ACACA: variants seen among roughly 807,000 people sequenced by gnomAD.
ACACA encodes the protein acetyl-CoA carboxylase 1.
A neutral mutation model predicts 296.1 loss-of-function variants in ACACA; 103 were observed. That is an observed-to-expected ratio of 0.35 (90% CI 0.30 to 0.41). ACACA has a LOEUF of 0.41. ACACA is among the 10% of genes least tolerant of loss of function. The pLI, the probability that ACACA is intolerant of heterozygous loss-of-function variation, is 1.00. For synonymous variants in ACACA, 953 were observed against 1,038.6 expected, an observed-to-expected ratio of 0.92 and a Z score of 1.58; for missense variants, 1,554 against 2,989.7, an observed-to-expected ratio of 0.52 and a Z score of 11.20.
chr17:37,192,422 G>T, intron 36 of ACACA, 117 bp from the exon 37 acceptor site: 1 of 979,946 alleles, frequency 1.0e-6, no homozygotes. Context: ...ATGTGCTAAT[G>T]AGCAACAAAA....
intron 38 of ACACA, among the ~76,000 whole-genome samples, chr17:37,189,232 T>C (rs1482223410): frequency 1.3e-5 from 2 of 152,192 alleles, no homozygotes; most frequent in Admixed American, 6.5e-5. Context: ...AAACTTTTTT[T>C]CCCCAACATG....
intron 3 of ACACA, among the ~76,000 whole-genome samples, chr17:37,326,536 GAA>G (rs879691516): frequency 7.8e-6 from 1 of 128,266 alleles, no homozygotes; most frequent in Non-Finnish European, 1.7e-5. Flanking sequence ...CGTCTCAAAA[GAA>G]AAAAAAAAAA....
chr17:37,224,849 AAAGTC>A, intron 27 of ACACA, 138 bp downstream of exon 27: 1 of 406,574 alleles, frequency 2.5e-6, no homozygotes, highest in East Asian at 4.3e-5. Context: ...ATCATTTTAG[AAAGTC>A]AAGATATGAA....
chr17:37,244,747 A>G lies in ACACA; in HGVS notation c.2596-13T>C. 6.2e-7 allele frequency: 1 copy of G among 1,614,160 alleles called. No individual in the cohort carries two copies. Among genetic ancestry groups the G allele is most frequent in the Non-Finnish European group, 8.5e-7 (1 of 1,180,000 alleles). On this transcript the variant is annotated splice_polypyrimidine_tract_variant and intron_variant, in intron 20 of 55. Coordinates refer to ENST00000616317, the MANE Select transcript of ACACA (RefSeq NM_198834.3). ...TGTGAAGTTCAGCCTGTCAACCCCA[A>G]CAAGAGATCAAGTCATCTACTACTT...
chr17:37,115,722 G>GC, intron 50 of ACACA, among the ~76,000 whole-genome samples: 1 of 152,254 alleles, frequency 6.6e-6, no homozygotes, highest in South Asian at 2.1e-4. Flanking sequence ...TTCAAATGAA[G>GC]ATGAGTGTGT....
chr17:37,244,804 T>TA (rs1295825692), intron 20 of ACACA, 70 bp from the exon 21 acceptor site: 3 of 1,593,542 alleles, frequency 1.9e-6, no homozygotes, highest in Non-Finnish European at 2.6e-6. Flanking sequence ...CCACTGCACT[T>TA]AAGAGTTATC....
chr17:37,242,645 C>G (rs1419349964), intron 22 of ACACA, among the ~76,000 whole-genome samples: 3 of 152,104 alleles, frequency 2.0e-5, no homozygotes, highest in African/African-American at 7.2e-5. Context: ...GTGGGATGAG[C>G]CATTGGGCCT....
intron 1 of ACACA, among the ~76,000 whole-genome samples, chr17:37,358,090 C>G (rs2049226776): frequency 6.6e-6 from 1 of 151,762 alleles, no homozygotes; most frequent in Non-Finnish European, 1.5e-5. Flanking sequence ...TTTTTTTATT[C>G]CAGTCTTAAA....
rs1419961791 is a variant in ACACA at position 37,274,202 on chromosome 17, A to G, written c.999T>C (p.Asp333=). 23 of 1,613,374 alleles carry G rather than the reference A, an allele frequency of 1.4e-5. No homozygotes were observed. Among genetic ancestry groups the G allele is most frequent in the Non-Finnish European group, 2.0e-5 (23 of 1,179,246 alleles). ...YEKGYVKDVD[D]GLQAAEEVGY... ...GGAGTTAGTAACCTACCTGTAGCCC[A>G]TCATCCACATCTTTCACATAACCTT... Residue 333 remains aspartate (D), a synonymous_variant, in exon 9 of 56, where the codon GAT becomes GAC. Transcript: ENST00000616317.
At chr17:37,259,573 C>G (rs751399038) in intron 11 of ACACA, 43 bp from the exon 12 acceptor site, 66 of 1,609,532 alleles carry the variant, frequency 4.1e-5, no homozygotes, top group Middle Eastern at 3.3e-4. Flanking sequence ...CTCACCTTAT[C>G]CAACTGCTAG....
chr17:37,122,774 T>C (rs960334662), intron 48 of ACACA, 147 bp from the exon 49 acceptor site: 2 of 733,874 alleles, frequency 2.7e-6, no homozygotes, highest in African/African-American at 3.5e-5. Flanking sequence ...ATGAGTTAAA[T>C]GTGAGACTCT....
At chr17:37,225,540 A>G in intron 26 of ACACA, 1 of 192,906 alleles carries the variant, frequency 5.2e-6, no homozygotes, top group Non-Finnish European at 1.1e-5. Context: ...GACTAGGGAA[A>G]GCTGCTTTGA....
chr17:37,284,667 G>A (rs1021528280), intron 4 of ACACA, among the ~76,000 whole-genome samples, 171 bp downstream of exon 4: 3 of 152,182 alleles, frequency 2.0e-5, no homozygotes, highest in Admixed American at 2.0e-4. Context: ...TAGGAAAACA[G>A]TGAAATTATA....
intron 1 of ACACA, among the ~76,000 whole-genome samples, chr17:37,342,406 CAAAAAAAAAAAAAAAAAAA>C (rs1173872959): frequency 1.9e-4 from 4 of 21,110 alleles, no homozygotes; most frequent in Non-Finnish European, 2.5e-4. Flanking sequence ...GACTGTCTCT[CAAAAAAAAAAAAAAAAAAA>C]AAAAAAAAAA....
At position 37,258,327 on chromosome 17, in the gene ACACA, A is replaced by G; in HGVS notation, c.1547T>C (p.Met516Thr). ...ATCACCCCAGGGAGATACCCCATAC[A>G]TCATACGGATATCCTTGATTCTATA... is the stretch of plus-strand genomic sequence containing the variant. ...PLYRIKDIRM[M>T]YGVSPWGDSP... Residue 516 changes from methionine to threonine, a missense_variant, in exon 13 of 56, where the codon ATG becomes ACG. Transcript: ENST00000616317. 6.2e-7 allele frequency: 1 copy of G among 1,614,154 alleles called. No individual in the cohort carries two copies. Among genetic ancestry groups the G allele is most frequent in the Non-Finnish European group, 8.5e-7 (1 of 1,179,968 alleles).
chr17:37,276,988 G>C (rs754408721), intron 7 of ACACA, 45 bp downstream of exon 7: 2 of 1,550,740 alleles, frequency 1.3e-6, no homozygotes, highest in South Asian at 2.2e-5. Context: ...GGGCAAAATT[G>C]ACAGAAAGAA....
intron 3 of ACACA, among the ~76,000 whole-genome samples, chr17:37,319,494 C>T (rs1161782034): frequency 6.6e-6 from 1 of 151,948 alleles, no homozygotes; most frequent in Non-Finnish European, 1.5e-5. Flanking sequence ...TTTTTATTTT[C>T]TATTCTGCTT....
intron 1 of ACACA, chr17:37,392,327 G>A (rs895343599): frequency 3.3e-5 from 5 of 152,282 alleles, no homozygotes; most frequent in African/African-American, 1.2e-4. Context: ...GAAGTCTTCT[G>A]ACGATCCAGA....
chr17:37,310,204 G>A (rs1446282860), intron 3 of ACACA, among the ~76,000 whole-genome samples: 1 of 152,174 alleles, frequency 6.6e-6, no homozygotes, highest in Non-Finnish European at 1.5e-5. Context: ...GCAAGTGAAG[G>A]TACTGGGGTC....
Sources: gnomAD v4.1 joint callset for allele counts (sites outside exome capture counted in the v4.1 genomes callset) on GRCh38, gnomAD v4.1.1 for gene constraint, MANE v1.5 for transcripts, NCBI Gene and HGNC (gene_info 2026-07-23, HGNC 2026-07-21) for gene names.